CDK17: variants seen among roughly 807,000 people sequenced by gnomAD.
The protein encoded by CDK17 is cyclin-dependent kinase 17.
A neutral mutation model predicts 77.6 loss-of-function variants in CDK17; 24 were observed. That is an observed-to-expected ratio of 0.31 (90% CI 0.22 to 0.44). The LOEUF is 0.44. Among genes scored for constraint, CDK17 ranks in the 20% least tolerant of loss-of-function variants. The pLI is 1.00. For missense variants in CDK17, 429 were observed against 622.5 expected, an observed-to-expected ratio of 0.69 and a Z score of 3.31; for synonymous variants, 203 against 210.4, an observed-to-expected ratio of 0.96 and a Z score of 0.30.
intron 1 of CDK17, among the ~76,000 whole-genome samples, chr12:96,360,317 T>G (rs563163156): frequency 1.1e-4 from 17 of 152,286 alleles, no homozygotes; most frequent in African/African-American, 3.9e-4. Flanking sequence ...AAAGGTATCT[T>G]GATAGATGGA....
At chr12:96,281,971 G>A (rs1952184180) in intron 15 of CDK17, 1 of 152,178 alleles carries the variant, frequency 6.6e-6, no homozygotes, top group Non-Finnish European at 1.5e-5. Context: ...AAAATAGAAT[G>A]TTAAGAGTAA....
intron 1 of CDK17, among the ~76,000 whole-genome samples, chr12:96,376,762 G>A (rs1054542667): frequency 6.6e-6 from 1 of 152,162 alleles, no homozygotes; most frequent in African/African-American, 2.4e-5. Flanking sequence ...TTAGTAATCA[G>A]AGGACCATAA....
rs61939060 is a variant in CDK17, at chr12:96,334,929, G to T, written c.-29-64C>A. The T allele has an allele frequency of 1.1e-5, 8 of 726,314 alleles. No individual in the cohort carries two copies. In the African/African-American group the frequency reaches 1.2e-4, roughly 11 times the overall value. 45.0% of individuals were successfully genotyped at this position (726,314 alleles called of 1,614,324 possible). A position where few individuals can be genotyped will look rare whatever the true frequency, so the allele number is the denominator to read the frequency against. ...TATTTTACCACTGAAGAAAAATACC[G>T]CCTGGGTTTACTGGAAATCTTTAAA... On this transcript the variant is annotated intron_variant, in intron 1 of 16. Coordinates refer to ENST00000261211, the MANE Select transcript of CDK17 (RefSeq NM_002595.5).
At chr12:96,390,369 G>A (rs1169532860) in intron 1 of CDK17, among the ~76,000 whole-genome samples, 1 of 148,578 alleles carries the variant, frequency 6.7e-6, no homozygotes, top group East Asian at 2.0e-4. Context: ...GAGCTCAGGC[G>A]ATCCACCCAC....
intron 7 of CDK17, 72 bp from the exon 8 acceptor site, chr12:96,297,793 C>A (rs968628332): frequency 1.2e-6 from 1 of 800,854 alleles, no homozygotes. Context: ...GTTGAACATA[C>A]GAACTGATTA....
In CDK17 at chr12:96,326,770, C is replaced by T. The variant is rs150371549; in HGVS notation, c.119-2658G>A. 4.1e-3 allele frequency among the ~76,000 whole-genome samples: 623 copies of T among 152,260 alleles called. 3 individuals carry two copies. The highest frequency in any genetic ancestry group is 0.014 in the African/African-American group (573 of 41,558). On this transcript the variant is annotated intron_variant, in intron 2 of 16. Transcript: ENST00000261211. ...CTTTGAGAACCACTGTGTTAGAGGA[C>T]TAGAAAGAAGGCAAGTGTAGCTATA...
intron 1 of CDK17, among the ~76,000 whole-genome samples, chr12:96,376,387 A>T (rs981330068): frequency 6.6e-6 from 1 of 152,218 alleles, no homozygotes; most frequent in South Asian, 2.1e-4. Context: ...ACTCCAAAAC[A>T]TCAATAATAA....
chr12:96,379,699 G>A (rs12824368), intron 1 of CDK17, among the ~76,000 whole-genome samples: 7,399 of 152,086 alleles, frequency 0.049, 247 homozygotes, highest in Non-Finnish European at 0.06. Context: ...CAAATTTGCA[G>A]GAATTACAGC....
At chr12:96,294,906 T>C (rs1465658049) in intron 10 of CDK17, 93 bp downstream of exon 10, 3 of 1,121,094 alleles carry the variant, frequency 2.7e-6, no homozygotes, top group Admixed American at 2.8e-5. Flanking sequence ...CAAACCCACA[T>C]AAAAGCAATG....
chr12:96,354,638 G>A (rs1028596163), intron 1 of CDK17, among the ~76,000 whole-genome samples: 1 of 152,086 alleles, frequency 6.6e-6, no homozygotes, highest in African/African-American at 2.4e-5. Flanking sequence ...CCAGTGACTC[G>A]AGAGGCTGAG....
At chr12:96,378,202 C>T (rs1049214431) in intron 1 of CDK17, among the ~76,000 whole-genome samples, 1 of 152,158 alleles carries the variant, frequency 6.6e-6, no homozygotes, top group African/African-American at 2.4e-5. Flanking sequence ...TCTAATTATG[C>T]ACAGATTTGT....
At chr12:96,397,589 A>AT (rs1352900978) in intron 1 of CDK17, among the ~76,000 whole-genome samples, 3 of 152,152 alleles carry the variant, frequency 2.0e-5, no homozygotes, top group Admixed American at 6.5e-5. Context: ...CTACATTTAC[A>AT]TTTTTTTCTC....
At position 96,334,800 on chromosome 12, in the gene CDK17, G is replaced by A; in HGVS notation, c.37C>T (p.Arg13Ter). Reference protein sequence around the residue: ...KFKRRLSLTLRGSQTIDESLS... With the variant: ...KFKRRLSLTL ...GATTCATCAATAGTCTGACTTCCTC[G>A]GAGTGTGAGGGATAGCCTTCTCTTA... Residue 13 changes from arginine to a stop codon, truncating the protein, a stop_gained, in exon 2 of 17, where the codon CGA (arginine) becomes TGA (stop). Transcript: ENST00000261211. LOFTEE classifies it high-confidence loss of function. 6.2e-7 allele frequency: 1 copy of A among 1,608,176 alleles called. No homozygotes were observed. The highest frequency in any genetic ancestry group is 8.5e-7 in the Non-Finnish European group (1 of 1,174,956).
chr12:96,399,954 A>T, intron 1 of CDK17, 32 bp downstream of exon 1: 1 of 365,106 alleles, frequency 2.7e-6, no homozygotes. Flanking sequence ...CACCAGGGGA[A>T]AGCGCGGCGC....
chr12:96,373,565 A>C (rs1467611525), intron 1 of CDK17, among the ~76,000 whole-genome samples: 1 of 152,062 alleles, frequency 6.6e-6, no homozygotes, highest in African/African-American at 2.4e-5. Flanking sequence ...ATTGCACCCC[A>C]GCCTAGGTGA....
chr12:96,284,745 T>C (rs1952226082), intron 13 of CDK17, among the ~76,000 whole-genome samples: 2 of 151,872 alleles, frequency 1.3e-5, no homozygotes, highest in Non-Finnish European at 2.9e-5. Flanking sequence ...TTTGTATTTT[T>C]AGTAGACAGG....
chr12:96,287,492 T>C (rs1338584563), intron 11 of CDK17, among the ~76,000 whole-genome samples: 1 of 152,132 alleles, frequency 6.6e-6, no homozygotes, highest in African/African-American at 2.4e-5. Flanking sequence ...GAAAATAGTA[T>C]GGTGGTTCCT....
Position 96,280,033 on chromosome 12 carries a change from C to T in CDK17, c.*209G>A. The stretch of plus-strand genomic sequence containing the variant: ...CTACTGGCTCTAATGGCAGAGAAGA[C>T]CTTAAAACCGACTGTACAAAAAATT... On this transcript the variant is annotated 3_prime_UTR_variant, in exon 17 of 17. Coordinates refer to ENST00000261211, the MANE Select transcript of CDK17 (RefSeq NM_002595.5). 2.0e-6 allele frequency: 1 copy of T among 489,266 alleles called. No homozygotes were observed. The highest frequency in any genetic ancestry group is 3.6e-6 in the Non-Finnish European group (1 of 281,478). The allele number at this position is 489,266 out of a possible 1,614,324, so 30.3% of individuals were successfully genotyped here. A position where few individuals can be genotyped will look rare whatever the true frequency, so the allele number is the denominator to read the frequency against.
At chr12:96,303,900 A>G (rs1050363400) in intron 5 of CDK17, among the ~76,000 whole-genome samples, 1 of 152,210 alleles carries the variant, frequency 6.6e-6, no homozygotes. Flanking sequence ...ACACCAGTGG[A>G]TGCCTGAAAC....
Sources: gnomAD v4.1 joint callset for allele counts (sites outside exome capture counted in the v4.1 genomes callset) on GRCh38, gnomAD v4.1.1 for gene constraint, MANE v1.5 for transcripts, NCBI Gene and HGNC (gene_info 2026-07-23, HGNC 2026-07-21) for gene names.